The following PARVB variants were observed in gnomAD, a reference collection of about 807,000 sequenced individuals.
The protein encoded by PARVB is beta-parvin.
In PARVB, 46 loss-of-function variants were observed where a neutral mutation model predicts 47.0. The observed-to-expected ratio is 0.98, with a 90% CI of 0.77 to 1.25. The LOEUF (loss-of-function observed/expected upper bound fraction) is 1.25, where lower values mean the gene tolerates loss of function less well. Ranked by LOEUF, PARVB falls within the 50% of genes most tolerant of loss-of-function variation. The pLI, the probability that PARVB is intolerant of heterozygous loss-of-function variation, is 0.00. For synonymous variants in PARVB, 196 were observed against 196.3 expected, an observed-to-expected ratio of 1.00 and a Z score of 0.01; for missense variants, 473 against 471.6, an observed-to-expected ratio of 1.00 and a Z score of -0.03.
chr22:44,163,640 G>T (rs1426519495), intron 11 of PARVB, among the ~76,000 whole-genome samples: 1 of 152,186 alleles, frequency 6.6e-6, no homozygotes, highest in South Asian at 2.1e-4. Flanking sequence ...GATCACTGGT[G>T]TGAGGGGTGA....
intron 1 of PARVB, among the ~76,000 whole-genome samples, chr22:44,044,689 T>TTGAGACCACCC (rs1222768262): frequency 6.6e-6 from 1 of 152,010 alleles, no homozygotes; most frequent in Non-Finnish European, 1.5e-5. Context: ...TTTTACCATG[T>TTGAGACCACCC]TGGCCAGGTG....
chr22:43,999,460 T>G (rs569597905), intron 1 of PARVB: 1 of 1,576,096 alleles, frequency 6.3e-7, no homozygotes, highest in Admixed American at 1.7e-5. Flanking sequence ...CAGGTTGTAC[T>G]CAGAAGTCCA....
At chr22:44,014,107 C>T (rs1168361699) in intron 2 of PARVB, among the ~76,000 whole-genome samples, 1 of 152,164 alleles carries the variant, frequency 6.6e-6, no homozygotes, top group Non-Finnish European at 1.5e-5. Context: ...TGCACAGTTC[C>T]AGCATGTATT....
chr22:44,083,757 G>A (rs915949161), intron 1 of PARVB, among the ~76,000 whole-genome samples: 2 of 152,064 alleles, frequency 1.3e-5, no homozygotes, highest in Non-Finnish European at 2.9e-5. Flanking sequence ...AACAGTCATC[G>A]GGTACCACTA....
intron 7 of PARVB, 68 bp downstream of exon 7, chr22:44,136,586 C>T: frequency 7.4e-7 from 1 of 1,347,556 alleles, no homozygotes; most frequent in South Asian, 1.2e-5. Context: ...CAGGCTGCCA[C>T]TTCAGCCAGG....
intron 1 of PARVB, among the ~76,000 whole-genome samples, chr22:44,062,363 C>T (rs987200498): frequency 3.3e-5 from 5 of 152,076 alleles, no homozygotes; most frequent in African/African-American, 1.2e-4. Context: ...ATGGGCCAGG[C>T]ACGGTGGCTC....
At chr22:44,099,733 G>A (rs140671033) in intron 2 of PARVB, among the ~76,000 whole-genome samples, 455 of 152,292 alleles carry the variant, frequency 3.0e-3, no homozygotes, top group African/African-American at 0.01. Flanking sequence ...TCCGGCCAGC[G>A]GAGGCATCTC....
chr22:44,140,047 C>G (rs2096205753), intron 7 of PARVB, 77 bp from the exon 8 acceptor site: 1 of 1,583,236 alleles, frequency 6.3e-7, no homozygotes, highest in Non-Finnish European at 8.7e-7. Flanking sequence ...CTCTGTCCCT[C>G]ATCCTCCATT....
At chr22:44,012,570 T>C (rs1260388289) in intron 2 of PARVB, among the ~76,000 whole-genome samples, 4 of 152,194 alleles carry the variant, frequency 2.6e-5, no homozygotes, top group African/African-American at 9.7e-5. Flanking sequence ...ACAGCGTGCT[T>C]GAAAACCCTA....
chr22:44,008,491 T>A (rs947692615), intron 2 of PARVB, among the ~76,000 whole-genome samples: 1 of 152,140 alleles, frequency 6.6e-6, no homozygotes, highest in Non-Finnish European at 1.5e-5. Context: ...GAAAAAAAGA[T>A]TCATTTTGCA....
chr22:44,104,883 A>C (rs980558205), intron 3 of PARVB: 3 of 152,054 alleles, frequency 2.0e-5, no homozygotes, highest in Admixed American at 2.0e-4. Context: ...TGCTAGAGGG[A>C]CTCCCAGAAC....
At chr22:44,008,259 G>A (rs967730156) in intron 2 of PARVB, among the ~76,000 whole-genome samples, 1 of 152,016 alleles carries the variant, frequency 6.6e-6, no homozygotes. Flanking sequence ...TTACAGGCGC[G>A]CATCACCACG....
chr22:44,038,054 A>G (rs557858164), intron 1 of PARVB, among the ~76,000 whole-genome samples: 25 of 152,280 alleles, frequency 1.6e-4, no homozygotes, highest in African/African-American at 6.0e-4. Context: ...GAAAGCCCTC[A>G]CGTCCCCTGT....
intron 1 of PARVB, 43 bp downstream of exon 1, chr22:44,024,494 G>T: frequency 9.6e-7 from 1 of 1,046,184 alleles, no homozygotes; most frequent in South Asian, 4.2e-5. Flanking sequence ...GGACCTGCCC[G>T]GCGGTGCCCG....
In PARVB at chr22:44,146,160, CGTGTACACACGCTCACACCGCACACA is replaced by C. The variant is rs1212293254; in HGVS notation, c.713-1700_713-1675del. On this transcript the variant is annotated intron_variant, in intron 8 of 12. Transcript: ENST00000338758. ...TCACACATGCACACACGTGCTCACA[CGTGTACACACGCTCACACCGCACACA>C]CGCACACCCGTGCTCACACGCACAC... 2.8e-5 allele frequency: 4 copies of C among 144,650 alleles called. No individual in the cohort carries two copies. In the East Asian group the frequency reaches 8.4e-4, roughly 30 times the overall value. 9.0% of individuals were successfully genotyped at this position (144,650 alleles called of 1,614,324 possible).
chr22:43,999,945 T>A (rs1291132127), intron 2 of PARVB, among the ~76,000 whole-genome samples: 1 of 150,746 alleles, frequency 6.6e-6, no homozygotes, highest in Non-Finnish European at 1.5e-5. Flanking sequence ...AGGTTAAGGC[T>A]GCAGTGAGCC....
intron 8 of PARVB, 154 bp downstream of exon 8, chr22:44,140,297 C>A: frequency 1.3e-6 from 1 of 787,108 alleles, no homozygotes; most frequent in South Asian, 1.4e-5. Flanking sequence ...GTGCACAGCC[C>A]ACCCCCACCT....
At chr22:44,007,670 T>G (rs1381349474) in intron 2 of PARVB, among the ~76,000 whole-genome samples, 1 of 151,448 alleles carries the variant, frequency 6.6e-6, no homozygotes, top group Admixed American at 6.6e-5. Flanking sequence ...TTTAAAAAAG[T>G]TTTTTTTTGG....
chr22:44,167,750 C>A (rs1244036357), intron 12 of PARVB, among the ~76,000 whole-genome samples: 4 of 101,358 alleles, frequency 3.9e-5, no homozygotes, highest in Non-Finnish European at 4.4e-5. Context: ...CGGGTGTGTC[C>A]CCAAGCCCAC....
Sources: gnomAD v4.1 joint callset for allele counts (sites outside exome capture counted in the v4.1 genomes callset) on GRCh38, gnomAD v4.1.1 for gene constraint, MANE v1.5 for transcripts, NCBI Gene and HGNC (gene_info 2026-07-23, HGNC 2026-07-21) for gene names.